UBOX5: variants seen among roughly 807,000 people sequenced by gnomAD.
UBOX5 encodes RING finger protein 37.
Under a neutral mutation model 39.0 loss-of-function variants are expected in UBOX5, and 28 were observed. The ratio of observed to expected loss-of-function variants is 0.72; its 90% CI spans 0.53 to 0.98. The LOEUF (loss-of-function observed/expected upper bound fraction) is 0.98. Among genes scored for constraint, UBOX5 ranks in the 50% least tolerant of loss-of-function variants. UBOX5 has a pLI of 0.00. For missense variants in UBOX5, 585 were observed against 674.4 expected (o/e 0.87, Z 1.47); for synonymous variants, 283 against 275.5 (o/e 1.03, Z -0.27).
chr20:3,119,761 G>A (rs1250622910), intron 3 of UBOX5, among the ~76,000 whole-genome samples: 1 of 152,154 alleles, frequency 6.6e-6, no homozygotes, highest in Non-Finnish European at 1.5e-5. Context: ...GGCTGAGGCA[G>A]GAGAATTGCT....
At chr20:3,159,513 AG>A (rs963409743) in intron 1 of UBOX5, among the ~76,000 whole-genome samples, 16 of 152,344 alleles carry the variant, frequency 1.1e-4, no homozygotes, top group African/African-American at 3.6e-4. Flanking sequence ...CATTTCACAG[AG>A]GAAAAAAAAT....
In UBOX5 at chr20:3,116,957, G is replaced by A. The variant is rs146438203; in HGVS notation, c.1256-1491C>T. ...CTGAAAATACAAAAATTAGCCAGGC[G>A]TAGTAGTGCGTGCCTGTAATCCCAG... On this transcript the variant is annotated intron_variant, in intron 3 of 4. Transcript: ENST00000217173. 1.8e-3 allele frequency among the ~76,000 whole-genome samples: 274 copies of A among 152,070 alleles called. 4 individuals carry two copies. In the East Asian group the frequency reaches 0.049, roughly 27 times the overall value.
intron 3 of UBOX5, among the ~76,000 whole-genome samples, chr20:3,119,068 A>T (rs1263731812): frequency 6.6e-6 from 1 of 152,246 alleles, no homozygotes; most frequent in Non-Finnish European, 1.5e-5. Flanking sequence ...ATTATAAATA[A>T]GCAATTAACA....
In UBOX5 at chr20:3,121,272, G is replaced by A. The variant is rs1180880437; in HGVS notation, c.1255+112C>T. 3.8e-5 allele frequency: 55 copies of A among 1,458,018 alleles called. No homozygotes were observed. In the East Asian group the frequency reaches 1.2e-3, roughly 33 times the overall value. The allele number at this position is 1,458,018 out of a possible 1,614,324, so 90.3% of individuals were successfully genotyped here. A position where few individuals can be genotyped will look rare whatever the true frequency, so the allele number is the denominator to read the frequency against. On this transcript the variant is annotated intron_variant, in intron 3 of 4. Coordinates refer to ENST00000217173, the MANE Select transcript of UBOX5 (RefSeq NM_014948.4). ...GGGAAACGGGAAGGAGGCAGCACAG[G>A]CACAGCCTCGGGAATGTAAGCTGGC...
chr20:3,117,000 G>A (rs2066298301), intron 3 of UBOX5, among the ~76,000 whole-genome samples: 1 of 151,976 alleles, frequency 6.6e-6, no homozygotes, highest in African/African-American at 2.4e-5. Flanking sequence ...GGAAGCTGAG[G>A]CAGGAGATTC....
chr20:3,116,617 TG>T (rs1422235194), intron 3 of UBOX5: 1 of 152,228 alleles, frequency 6.6e-6, no homozygotes, highest in Non-Finnish European at 1.5e-5. Flanking sequence ...CCTTTTTCCT[TG>T]TTCCACCCCA....
chr20:3,123,185 T>C lies in UBOX5; in HGVS notation c.54+127A>G, dbSNP rs2066351728. Reference sequence around the variant, plus strand: ...CCATGCTTACCTAAATACCATCTGATGGAATCTAAAGTAACAAGAGCAAAA... The same window carrying C: ...CCATGCTTACCTAAATACCATCTGACGGAATCTAAAGTAACAAGAGCAAAA... On this transcript the variant is annotated intron_variant, in intron 2 of 4. Transcript: ENST00000217173. 4 of 948,170 alleles carry C rather than the reference T, an allele frequency of 4.2e-6. No homozygotes were observed. The South Asian group carries it at 5.9e-5, about 14-fold the overall frequency. 58.7% of individuals were successfully genotyped at this position (948,170 alleles called of 1,614,324 possible).
At chr20:3,116,298 C>T (rs1447238299) in intron 3 of UBOX5, among the ~76,000 whole-genome samples, 1 of 152,152 alleles carries the variant, frequency 6.6e-6, no homozygotes, top group Non-Finnish European at 1.5e-5. Flanking sequence ...ACTAAGACCC[C>T]ACGTTGACCA....
At chr20:3,120,505 A>G (rs138057524) in intron 3 of UBOX5, among the ~76,000 whole-genome samples, 25 of 145,274 alleles carry the variant, frequency 1.7e-4, no homozygotes, top group African/African-American at 6.3e-4. Context: ...AAACTTAGCC[A>G]GGCGTGGTGG....
intron 1 of UBOX5, among the ~76,000 whole-genome samples, chr20:3,124,322 G>A (rs1161030440): frequency 1.3e-5 from 2 of 152,162 alleles, no homozygotes; most frequent in African/African-American, 2.4e-5. Flanking sequence ...TCGGGCTCCC[G>A]TGATTCTCCT....
intron 1 of UBOX5, among the ~76,000 whole-genome samples, chr20:3,123,927 C>A (rs978877857): frequency 6.6e-6 from 1 of 152,132 alleles, no homozygotes; most frequent in African/African-American, 2.4e-5. Context: ...GTGGCTCATG[C>A]CTGTAATCCC....
chr20:3,121,320 A>G, intron 3 of UBOX5, 64 bp downstream of exon 3: 1 of 1,548,180 alleles, frequency 6.5e-7, no homozygotes, highest in Non-Finnish European at 8.7e-7. Context: ...AAAGGGCAGC[A>G]GAGCTGAGAG....
intron 1 of UBOX5, among the ~76,000 whole-genome samples, chr20:3,141,720 A>C (rs1022247408): frequency 2.0e-5 from 3 of 152,182 alleles, no homozygotes; most frequent in Non-Finnish European, 2.9e-5. Flanking sequence ...CCCATAGTTA[A>C]CATCATACTC....
intron 1 of UBOX5, among the ~76,000 whole-genome samples, chr20:3,126,269 C>T (rs564746358): frequency 3.6e-4 from 54 of 152,104 alleles, no homozygotes; most frequent in African/African-American, 1.2e-3. Flanking sequence ...GGATTAAGGG[C>T]GGTGCAAGAT....
At chr20:3,155,849 A>G (rs1171104914) in intron 1 of UBOX5, among the ~76,000 whole-genome samples, 2 of 152,210 alleles carry the variant, frequency 1.3e-5, no homozygotes. Flanking sequence ...ACAAATGGTA[A>G]ACAGTGGCTA....
chr20:3,132,048 A>G (rs1428239162), intron 1 of UBOX5, among the ~76,000 whole-genome samples: 2 of 145,584 alleles, frequency 1.4e-5, no homozygotes, highest in African/African-American at 5.1e-5. Context: ...GGTGGTTCAC[A>G]TCTGTAATCC....
intron 4 of UBOX5, among the ~76,000 whole-genome samples, chr20:3,113,430 T>C (rs1345134225): frequency 6.6e-6 from 1 of 151,860 alleles, no homozygotes; most frequent in African/African-American, 2.4e-5. Context: ...GTTCAGGGGA[T>C]GCCATGGTAG....
chr20:3,111,423 T>A (rs570277994), intron 4 of UBOX5, among the ~76,000 whole-genome samples: 22 of 152,320 alleles, frequency 1.4e-4, no homozygotes, highest in African/African-American at 5.3e-4. Context: ...CTGCCTCCAA[T>A]GACCCACCTA....
intron 4 of UBOX5, among the ~76,000 whole-genome samples, chr20:3,113,322 CAGTG>C (rs2066269124): frequency 6.9e-6 from 1 of 145,952 alleles, no homozygotes; most frequent in Non-Finnish European, 1.5e-5. Context: ...AAAAAAGACA[CAGTG>C]AGAGTGGGCT....
Sources: allele counts gnomAD v4.1 joint callset (sites outside exome capture counted in the v4.1 genomes callset), GRCh38; gene constraint gnomAD v4.1.1; transcripts MANE v1.5; gene names NCBI Gene and HGNC (gene_info 2026-07-23, HGNC 2026-07-21).